Variants in PSD3 observed in about 807,000 individuals in gnomAD.
The protein encoded by PSD3 is PH and SEC7 domain-containing protein 3.
PSD3 carries 49 observed loss-of-function variants against 105.5 expected under a neutral mutation model. The ratio of observed to expected loss-of-function variants is 0.46; its 90% CI spans 0.37 to 0.59. The LOEUF (loss-of-function observed/expected upper bound fraction) is 0.59. PSD3 is among the 20% of genes least tolerant of loss of function. The pLI is 0.00. For missense variants in PSD3, 1,561 were observed against 1,263.8 expected (o/e 1.24, Z -3.57); for synonymous variants, 557 against 457.8 (o/e 1.22, Z -2.77).
In PSD3 at chr8:18,602,395, GACTT is replaced by G. The variant is rs1313837093; in HGVS notation, c.2411-1965_2411-1962del. The stretch of plus-strand genomic sequence containing the variant: ...CCACTAAGTCAGTTACTTAGTAACT[GACTT>G]ACTTATTGTACTCACTTACTGCAGT... On this transcript the variant is annotated intron_variant, in intron 11 of 15. Transcript: ENST00000327040. 2.0e-5 allele frequency among the ~76,000 whole-genome samples: 3 copies of G among 151,960 alleles called. No individual in the cohort carries two copies. In the East Asian group the frequency reaches 5.8e-4, roughly 30 times the overall value.
intron 1 of PSD3, among the ~76,000 whole-genome samples, chr8:19,023,791 T>C (rs918735108): frequency 6.6e-6 from 1 of 152,058 alleles, no homozygotes; most frequent in African/African-American, 2.4e-5. Context: ...AAGAATTCTA[T>C]TGACAGCACT....
chr8:18,753,133 G>T (rs969667146), intron 9 of PSD3, among the ~76,000 whole-genome samples: 3 of 152,046 alleles, frequency 2.0e-5, no homozygotes, highest in Admixed American at 6.6e-5. Flanking sequence ...GAGGCAGGTG[G>T]ATCACGAGGT....
intron 1 of PSD3, among the ~76,000 whole-genome samples, chr8:19,060,078 A>C (rs1828845091): frequency 1.3e-5 from 2 of 152,186 alleles, no homozygotes; most frequent in African/African-American, 4.8e-5. Flanking sequence ...CGTATTATGT[A>C]GGAAGGGCCC....
At chr8:18,544,746 T>C (rs1800357615) in intron 15 of PSD3, among the ~76,000 whole-genome samples, 1 of 152,242 alleles carries the variant, frequency 6.6e-6, no homozygotes, top group African/African-American at 2.4e-5. Context: ...GAAAGTGTTC[T>C]GAGAACTTCA....
chr8:18,754,497 C>T (rs953911652), intron 9 of PSD3, among the ~76,000 whole-genome samples: 3 of 152,090 alleles, frequency 2.0e-5, no homozygotes, highest in African/African-American at 4.8e-5. Context: ...AACTTGCCCA[C>T]GAACAGCTGG....
At chr8:18,681,992 T>A (rs1342071582) in intron 9 of PSD3, among the ~76,000 whole-genome samples, 1 of 145,348 alleles carries the variant, frequency 6.9e-6, no homozygotes, top group African/African-American at 2.8e-5. Context: ...TCCTGCGGCG[T>A]TTGCAATATT....
At chr8:18,543,357 G>A (rs890334146) in intron 15 of PSD3, among the ~76,000 whole-genome samples, 51 of 152,106 alleles carry the variant, frequency 3.4e-4, no homozygotes, top group African/African-American at 1.2e-3. Context: ...ACTCACACCT[G>A]TAATCCCAGC....
chr8:18,545,688 T>C (rs993052457), intron 15 of PSD3, among the ~76,000 whole-genome samples: 2 of 152,220 alleles, frequency 1.3e-5, no homozygotes, highest in African/African-American at 4.8e-5. Context: ...CATTTTAATA[T>C]AGGGCACGTG....
intron 11 of PSD3, among the ~76,000 whole-genome samples, chr8:18,623,350 G>A (rs970414695): frequency 8.8e-5 from 13 of 147,868 alleles, no homozygotes; most frequent in Admixed American, 3.5e-4. Flanking sequence ...AGTGGCTTAT[G>A]CCTGTAATCC....
At chr8:18,927,479 T>G (rs186371060) in intron 2 of PSD3, among the ~76,000 whole-genome samples, 80 of 152,288 alleles carry the variant, frequency 5.3e-4, no homozygotes, top group Admixed American at 3.9e-3. Flanking sequence ...CCCAAAGTAC[T>G]GGGAAGACAG....
intron 1 of PSD3, among the ~76,000 whole-genome samples, chr8:19,068,702 T>A (rs572138537): frequency 6.6e-4 from 100 of 151,932 alleles, no homozygotes; most frequent in African/African-American, 2.3e-3. Flanking sequence ...ATGGCACATG[T>A]ATACATATGT....
chr8:19,075,564 C>G (rs1353460514), intron 1 of PSD3, among the ~76,000 whole-genome samples: 3 of 152,326 alleles, frequency 2.0e-5, no homozygotes, highest in African/African-American at 4.8e-5. Context: ...ATTCACCAAG[C>G]TTTTTCCTCT....
At chr8:18,785,015 C>G (rs1044945730) in intron 8 of PSD3, among the ~76,000 whole-genome samples, 2 of 152,106 alleles carry the variant, frequency 1.3e-5, no homozygotes, top group African/African-American at 4.8e-5. Flanking sequence ...CAACCTGTCC[C>G]CTTGCTGAGC....
intron 9 of PSD3, among the ~76,000 whole-genome samples, chr8:18,727,031 T>TA (rs1803374760): frequency 6.6e-6 from 1 of 151,872 alleles, no homozygotes; most frequent in South Asian, 2.1e-4. Flanking sequence ...CCATCTCTAC[T>TA]AAAAATATAA....
intron 4 of PSD3, among the ~76,000 whole-genome samples, chr8:18,837,809 AT>A (rs1814244228): frequency 6.6e-6 from 1 of 152,196 alleles, no homozygotes; most frequent in Non-Finnish European, 1.5e-5. Flanking sequence ...ATTTAAAAAA[AT>A]AAAAGCACTA....
chr8:18,807,953 T>A (rs532582990), intron 4 of PSD3, among the ~76,000 whole-genome samples: 1 of 152,074 alleles, frequency 6.6e-6, no homozygotes, highest in Non-Finnish European at 1.5e-5. Flanking sequence ...ATGTAAACAT[T>A]TTTTTAAAAA....
intron 8 of PSD3, among the ~76,000 whole-genome samples, chr8:18,797,064 C>T (rs1263679548): frequency 6.6e-6 from 1 of 151,992 alleles, no homozygotes; most frequent in Non-Finnish European, 1.5e-5. Context: ...AACTTACCAC[C>T]TAGAAGAATA....
intron 2 of PSD3, among the ~76,000 whole-genome samples, chr8:18,878,895 G>C (rs1817904492): frequency 6.6e-6 from 1 of 152,156 alleles, no homozygotes; most frequent in African/African-American, 2.4e-5. Flanking sequence ...CATAGTGACT[G>C]CTGAAGCTGT....
intron 9 of PSD3, among the ~76,000 whole-genome samples, chr8:18,719,079 A>G (rs1802781706): frequency 6.6e-6 from 1 of 151,742 alleles, no homozygotes; most frequent in Non-Finnish European, 1.5e-5. Context: ...GGAAAAAGCT[A>G]AGACAGAGAT....
Sources: allele counts gnomAD v4.1 joint callset (sites outside exome capture counted in the v4.1 genomes callset), GRCh38; gene constraint gnomAD v4.1.1; transcripts MANE v1.5; gene names NCBI Gene and HGNC (gene_info 2026-07-23, HGNC 2026-07-21).